HERC4: variants seen among roughly 807,000 people sequenced by gnomAD.
HERC4 encodes probable E3 ubiquitin-protein ligase HERC4.
In HERC4, 28 loss-of-function variants were observed where a neutral mutation model predicts 124.3. The observed-to-expected ratio is 0.23, with a 90% confidence interval of 0.17 to 0.31. The LOEUF (loss-of-function observed/expected upper bound fraction) is 0.31, where lower values mean the gene tolerates loss of function less well. Ranked by LOEUF, HERC4 falls within the 10% of genes least tolerant of loss-of-function variation. The pLI, the probability that HERC4 is intolerant of heterozygous loss-of-function variation, is 1.00. For synonymous variants in HERC4, 407 were observed against 421.5 expected, an observed-to-expected ratio of 0.97 and a Z score of 0.42; for missense variants, 713 against 1,229.3, an observed-to-expected ratio of 0.58 and a Z score of 6.28.
At chr10:68,045,189 G>A (rs1445657778) in intron 3 of HERC4, among the ~76,000 whole-genome samples, 4 of 152,084 alleles carry the variant, frequency 2.6e-5, no homozygotes, top group Non-Finnish European at 5.9e-5. Context: ...GGTGTGTGGT[G>A]GTGCACGCCT....
At chr10:67,935,603 A>T (rs879683552) in intron 22 of HERC4, among the ~76,000 whole-genome samples, 5 of 152,168 alleles carry the variant, frequency 3.3e-5, no homozygotes, top group Non-Finnish European at 7.3e-5. Context: ...TCAAACCCAC[A>T]GTCTCTTTAG....
intron 3 of HERC4, among the ~76,000 whole-genome samples, chr10:68,049,721 G>A (rs974944761): frequency 1.3e-4 from 19 of 151,364 alleles, no homozygotes; most frequent in Admixed American, 2.0e-4. Context: ...AACCAGCCTC[G>A]GCAACATAAT....
At chr10:67,934,977 T>C (rs1439458786) in intron 22 of HERC4, among the ~76,000 whole-genome samples, 2 of 149,622 alleles carry the variant, frequency 1.3e-5, no homozygotes, top group Non-Finnish European at 3.0e-5. Flanking sequence ...TTTTTTTTTT[T>C]CCATTTTTAA....
chr10:67,931,620 T>C (rs368426258), intron 23 of HERC4, among the ~76,000 whole-genome samples: 4 of 151,990 alleles, frequency 2.6e-5, no homozygotes, highest in East Asian at 1.9e-4. Flanking sequence ...AGACGAGGTT[T>C]CACCATGTTG....
chr10:68,010,800 C>G, intron 9 of HERC4: 2 of 1,520,522 alleles, frequency 1.3e-6, no homozygotes, highest in Non-Finnish European at 1.8e-6. Context: ...TGTGCATATC[C>G]CAGGGTGATC....
At chr10:68,058,732 C>T (rs1053149610) in intron 3 of HERC4, among the ~76,000 whole-genome samples, 11 of 151,744 alleles carry the variant, frequency 7.2e-5, no homozygotes, top group African/African-American at 2.7e-4. Context: ...CATGATTATC[C>T]TAATTTTAGA....
At chr10:68,066,148 C>T (rs1447444262) in intron 3 of HERC4, among the ~76,000 whole-genome samples, 1 of 152,132 alleles carries the variant, frequency 6.6e-6, no homozygotes. Flanking sequence ...TCATACATAT[C>T]CCAAGCACTT....
chr10:68,025,689 A>C lies in HERC4; in HGVS notation c.778-13T>G. On this transcript the variant is annotated splice_polypyrimidine_tract_variant and intron_variant, in intron 7 of 24. Coordinates refer to ENST00000373700, the MANE Select transcript of HERC4 (RefSeq NM_015601.4). ...ACACTCCACCTTCCTAAAAAAAGAC[A>C]AAACCCCTTATCATTAGAAGGCATG... 6.2e-7 allele frequency: 1 copy of C among 1,604,714 alleles called. No individual in the cohort carries two copies. Among genetic ancestry groups the C allele is most frequent in the Non-Finnish European group, 8.5e-7 (1 of 1,175,942 alleles).
chr10:67,961,637 C>T (rs1180157982), intron 16 of HERC4, among the ~76,000 whole-genome samples: 1 of 152,098 alleles, frequency 6.6e-6, no homozygotes, highest in Non-Finnish European at 1.5e-5. Context: ...CCCAAACTCA[C>T]AATTGGTATC....
Position 68,059,842 on chromosome 10 carries a change from ATATAT to A in HERC4, c.226+13036_226+13040del, listed in dbSNP as rs1156705002. Among the ~76,000 whole-genome samples, 6 of 24,668 alleles carry A rather than the reference ATATAT, an allele frequency of 2.4e-4. No homozygotes were observed. In the African/African-American group the frequency reaches 3.2e-3, roughly 13 times the overall value. 16.2% of individuals were successfully genotyped at this position (24,668 alleles called of 152,430 possible). On this transcript the variant is annotated intron_variant, in intron 3 of 24. Transcript: ENST00000373700. ...ATATATCATAATATTATATATTATA[ATATAT>A]TATATATCATAATATTATATATTAT... is the stretch of plus-strand genomic sequence containing the variant.
chr10:67,948,324 G>T (rs1394629076), intron 19 of HERC4, among the ~76,000 whole-genome samples: 1 of 151,480 alleles, frequency 6.6e-6, no homozygotes, highest in African/African-American at 2.4e-5. Flanking sequence ...TAATTATTCA[G>T]CAAGAAAAAA....
chr10:67,970,979 A>T (rs1249065465), intron 15 of HERC4, among the ~76,000 whole-genome samples: 1 of 152,076 alleles, frequency 6.6e-6, no homozygotes, highest in Non-Finnish European at 1.5e-5. Context: ...TGAAAAGATA[A>T]TAATGAATAA....
intron 16 of HERC4, chr10:67,961,296 TCAG>T (rs1276469397): frequency 6.5e-6 from 1 of 154,026 alleles, no homozygotes; most frequent in African/African-American, 2.4e-5. Flanking sequence ...CTTGAGGCCA[TCAG>T]ATATAATTTT....
At chr10:67,956,843 A>T (rs749792515) in intron 17 of HERC4, 35 bp downstream of exon 17, 1 of 1,320,870 alleles carries the variant, frequency 7.6e-7, no homozygotes, top group Non-Finnish European at 1.1e-6. Flanking sequence ...CAAAGAAACA[A>T]TTAAAAAAAA....
intron 3 of HERC4, among the ~76,000 whole-genome samples, chr10:68,045,581 A>G (rs535507362): frequency 1.3e-5 from 2 of 152,354 alleles, no homozygotes; most frequent in South Asian, 4.1e-4. Flanking sequence ...TACTGGCCCT[A>G]CTACCAGTAG....
chr10:67,987,667 G>C (rs1239064968), intron 15 of HERC4, among the ~76,000 whole-genome samples: 3 of 152,112 alleles, frequency 2.0e-5, no homozygotes, highest in Non-Finnish European at 4.4e-5. Flanking sequence ...CAATCAAAAT[G>C]AAGAGAAATG....
chr10:68,056,959 G>A (rs921903665), intron 3 of HERC4, among the ~76,000 whole-genome samples: 5 of 152,198 alleles, frequency 3.3e-5, no homozygotes, highest in African/African-American at 7.2e-5. Flanking sequence ...ACCCAAGTAA[G>A]TGCAAGCATT....
At chr10:68,046,009 T>A (rs972981566) in intron 3 of HERC4, among the ~76,000 whole-genome samples, 1 of 152,150 alleles carries the variant, frequency 6.6e-6, no homozygotes, top group African/African-American at 2.4e-5. Context: ...TACCTACTCC[T>A]GAAGCTTCCA....
intron 8 of HERC4, among the ~76,000 whole-genome samples, chr10:68,020,499 G>C (rs1350248117): frequency 6.6e-6 from 1 of 152,074 alleles, no homozygotes; most frequent in Non-Finnish European, 1.5e-5. Flanking sequence ...GGGCGCGGTG[G>C]CTCACGCCTG....
Sources: gnomAD v4.1 joint callset for allele counts (sites outside exome capture counted in the v4.1 genomes callset) on GRCh38, gnomAD v4.1.1 for gene constraint, MANE v1.5 for transcripts, NCBI Gene and HGNC (gene_info 2026-07-23, HGNC 2026-07-21) for gene names.